Variants in TYSND1 observed in about 807,000 individuals in gnomAD.
TYSND1 encodes peroxisomal leader peptide-processing protease.
TYSND1 carries 30 observed loss-of-function variants against 37.2 expected under a neutral mutation model. That is an observed-to-expected ratio of 0.81 (90% CI 0.60 to 1.09). The LOEUF (loss-of-function observed/expected upper bound fraction) is 1.09, where lower values mean the gene tolerates loss of function less well. Among genes scored for constraint, TYSND1 ranks in the 50% least tolerant of loss-of-function variants. The pLI is 0.00. For missense variants in TYSND1, 806 were observed against 817.4 expected (o/e 0.99, Z 0.17); for synonymous variants, 364 against 383.8 (o/e 0.95, Z 0.60).
rs1215213892 is a variant in TYSND1, at chr10:70,145,516, GC to G, written c.1070del (p.Gly357AlafsTer11). On this transcript the variant is annotated frameshift_variant, in exon 1 of 4. Coordinates refer to ENST00000287078, the MANE Select transcript of TYSND1 (RefSeq NM_173555.4). LOFTEE classifies it high-confidence loss of function. The stretch of plus-strand genomic sequence containing the variant: ...GGCGGGGTGCCACAGCCACTCCGGA[GC>G]CCCATACGGTGCCGCACTCCACCAA... Reference protein sequence around the residue: ...AVLVECGTVWGSGVAVAPRLV... With the variant: ...AVLVECGTVWXSGVAVAPRLV... 2.4e-5 allele frequency: 36 copies of G among 1,529,062 alleles called. No individual in the cohort carries two copies. The highest frequency in any genetic ancestry group is 3.1e-5 in the Non-Finnish European group (36 of 1,144,866). 94.7% of individuals were successfully genotyped at this position (1,529,062 alleles called of 1,614,324 possible).
At chr10:70,143,249 T>A (rs370107987) in intron 2 of TYSND1, among the ~76,000 whole-genome samples, 4 of 152,228 alleles carry the variant, frequency 2.6e-5, no homozygotes, top group African/African-American at 9.7e-5. Context: ...ATGGCTATAA[T>A]GCAGCCATGA....
intron 3 of TYSND1, 32 bp downstream of exon 3, chr10:70,142,636 G>A (rs373383381): frequency 6.1e-5 from 92 of 1,519,848 alleles, no homozygotes; most frequent in Non-Finnish European, 7.9e-5. Flanking sequence ...CTGGCAAGTG[G>A]GAGGGCGGGA....
Position 70,145,778 on chromosome 10 carries a change from C to G in TYSND1, c.809G>C (p.Arg270Pro). ...CAGCGCCACCAGCGCCCCCGCGGGC[C>G]GCGCGGTGAACACGCCGCCGCCCTC... ...GTEGGGVFTA[R>P]PAGALVALVV... The change falls in exon 1 of 4, where the codon CGG becomes CCG. Residue 270 changes from arginine (R) to proline (P), a missense_variant. Around this residue, in one of 3 missense-constraint regions of TYSND1, gnomAD observed 708 missense variants for 705.4 expected, o/e 1.00. Coordinates refer to ENST00000287078, the MANE Select transcript of TYSND1 (RefSeq NM_173555.4). 1 of 1,461,248 alleles carries G rather than the reference C, an allele frequency of 6.8e-7. No individual in the cohort carries two copies. Among genetic ancestry groups the G allele is most frequent in the Non-Finnish European group, 9.0e-7 (1 of 1,115,600 alleles). 90.5% of individuals were successfully genotyped at this position (1,461,248 alleles called of 1,614,324 possible).
intron 3 of TYSND1, among the ~76,000 whole-genome samples, chr10:70,141,618 G>C (rs1444706876): frequency 1.3e-5 from 2 of 152,136 alleles, no homozygotes; most frequent in Non-Finnish European, 2.9e-5. Context: ...CAGTGTCTCA[G>C]CTATCTGATG....
Position 70,145,760 on chromosome 10 carries a change from A to G in TYSND1, c.827T>C (p.Val276Ala). The G allele has an allele frequency of 6.9e-7, 1 of 1,439,994 alleles. No individual in the cohort carries two copies. The allele number at this position is 1,439,994 out of a possible 1,614,324, so 89.2% of individuals were successfully genotyped here. The change falls in exon 1 of 4, where the codon GTG becomes GCG. Residue 276 changes from valine (V) to alanine (A), a missense_variant. Around this residue, in one of 3 missense-constraint regions of TYSND1, gnomAD observed 708 missense variants for 705.4 expected, o/e 1.00. Transcript: ENST00000287078. ...ACAGAGCGGCGCCACCACCAGCGCC[A>G]CCAGCGCCCCCGCGGGCCGCGCGGT... is the stretch of plus-strand genomic sequence containing the variant. ...VFTARPAGAL[V>A]ALVVAPLCWK... is the part of the protein sequence containing the mutation.
At chr10:70,144,393 C>T (rs1448341988) in intron 1 of TYSND1, 2 of 930,400 alleles carry the variant, frequency 2.1e-6, no homozygotes, top group Non-Finnish European at 2.6e-6. Context: ...ACAACACTTT[C>T]CTTCACTGCC....
In TYSND1 at chr10:70,146,121, C is replaced by G. The variant is rs1367422965; in HGVS notation, c.466G>C (p.Ala156Pro). ...HFARLFGDEA[A>P]EQWRFSSAAR... ...GCGCTCGAGAAGCGCCACTGTTCCG[C>G]TGCCTCGTCCCCGAAGAGGCGCGCG... The change falls in exon 1 of 4, where the codon GCG becomes CCG. Residue 156 changes from alanine (A) to proline (P), a missense_variant. Physicochemically the swap from Ala to Pro is conservative, Grantham distance 27. Transcript: ENST00000287078. 2 of 1,561,588 alleles carry G rather than the reference C, an allele frequency of 1.3e-6. No homozygotes were observed. Among genetic ancestry groups the G allele is most frequent in the Admixed American group, 1.9e-5 (1 of 52,618 alleles).
At chr10:70,144,938 G>A (rs527903841) in intron 1 of TYSND1, 66 of 234,630 alleles carry the variant, frequency 2.8e-4, no homozygotes, top group African/African-American at 1.4e-3. Flanking sequence ...TCACTCAGAC[G>A]GGAAGCTCTG....
chr10:70,145,224 T>C (rs1839156661), intron 1 of TYSND1, among the ~76,000 whole-genome samples, 197 bp downstream of exon 1: 1 of 152,120 alleles, frequency 6.6e-6, no homozygotes. Context: ...GCTTCGAGCT[T>C]GACACCTTGC....
In TYSND1 at chr10:70,146,256, C is replaced by A. The variant is rs1839222065; in HGVS notation, c.331G>T (p.Ala111Ser). 1 of 1,478,402 alleles carries A rather than the reference C, an allele frequency of 6.8e-7. No homozygotes were observed. The highest frequency in any genetic ancestry group is 8.9e-7 in the Non-Finnish European group (1 of 1,122,972). The allele number at this position is 1,478,402 out of a possible 1,614,324, so 91.6% of individuals were successfully genotyped here. A position where few individuals can be genotyped will look rare whatever the true frequency, so the allele number is the denominator to read the frequency against. The change falls in exon 1 of 4, where the codon GCG becomes TCG. Residue 111 changes from alanine (A) to serine (S), a missense_variant. By Grantham distance (99) the Ala-to-Ser change is moderately conservative. Coordinates refer to ENST00000287078, the MANE Select transcript of TYSND1 (RefSeq NM_173555.4). The part of the protein sequence containing the change: ...GRPGLCTPQC[A>S]SLEPGPPAPS... Reference sequence around the variant, plus strand: ...GCAGGTGGGCCGGGCTCGAGGCTCGCGCACTGGGGCGTGCACAGCCCTGGG... The same window carrying A: ...GCAGGTGGGCCGGGCTCGAGGCTCGAGCACTGGGGCGTGCACAGCCCTGGG...
rs149776228 is a variant in TYSND1, at chr10:70,139,728, C to T, written c.*196G>A. 1,032 of 569,134 alleles carry T rather than the reference C, an allele frequency of 1.8e-3. 8 individuals carry two copies. Among genetic ancestry groups the T allele is most frequent in the African/African-American group, 0.018 (946 of 52,854 alleles). 35.3% of individuals were successfully genotyped at this position (569,134 alleles called of 1,614,324 possible). The stretch of plus-strand genomic sequence containing the variant: ...AAGAAAGCACCCCAAAACGGGCTGC[C>T]AGGTTAAGGATCCATGGGGCTGAAG... On this transcript the variant is annotated 3_prime_UTR_variant, in exon 4 of 4. Coordinates refer to ENST00000287078, the MANE Select transcript of TYSND1 (RefSeq NM_173555.4).
rs147722950 is a variant in TYSND1 at position 70,142,718 on chromosome 10, C to G, written c.1433G>C (p.Ser478Thr). 180 of 1,612,254 alleles carry G rather than the reference C, an allele frequency of 1.1e-4. No homozygotes were observed. Among genetic ancestry groups the G allele is most frequent in the South Asian group, 7.4e-4 (67 of 90,816 alleles). The change falls in exon 3 of 4, where the codon AGC (serine) becomes ACC (threonine). Residue 478 changes from serine to threonine, a missense_variant. Ser to Thr is a moderately conservative substitution (Grantham distance 58). Around this residue, in one of 3 missense-constraint regions of TYSND1, gnomAD observed 708 missense variants for 705.4 expected, o/e 1.00. Transcript: ENST00000287078. ...GAAGAGGGGTCCCCCACTGGAGCCG[C>G]TGTGCACAGCACACGTGGTCTGCAG... The part of the protein sequence containing the change: ...VMLQTTCAVH[S>T]GSSGGPLFSN...
chr10:70,146,606 C>T lies in TYSND1; in HGVS notation c.-20G>A. On this transcript the variant is annotated 5_prime_UTR_variant, in exon 1 of 4. Coordinates refer to ENST00000287078, the MANE Select transcript of TYSND1 (RefSeq NM_173555.4). ...TCTCATGGCCTCTAGGCCGGACACT[C>T]GGGAGCTTCTCCGAGAAACAGCAAG... The T allele has an allele frequency of 1.3e-6, 2 of 1,489,550 alleles. No individual in the cohort carries two copies. The highest frequency in any genetic ancestry group is 2.9e-5 in the African/African-American group (2 of 69,236). 92.3% of individuals were successfully genotyped at this position (1,489,550 alleles called of 1,614,324 possible). A position where few individuals can be genotyped will look rare whatever the true frequency, so the allele number is the denominator to read the frequency against.
chr10:70,141,788 C>G (rs1218494485), intron 3 of TYSND1, among the ~76,000 whole-genome samples: 1 of 152,046 alleles, frequency 6.6e-6, no homozygotes, highest in African/African-American at 2.4e-5. Flanking sequence ...GTTGCCCAGG[C>G]TGGTCTCGAA....
chr10:70,143,839 T>C lies in TYSND1; in HGVS notation c.1297+3A>G. 1 of 1,614,128 alleles carries C rather than the reference T, an allele frequency of 6.2e-7. No homozygotes were observed. Among genetic ancestry groups the C allele is most frequent in the South Asian group, 1.1e-5 (1 of 91,068 alleles). Reference sequence around the variant, plus strand: ...CCTTCAGGCTGCGCCCTTCGTCCTTTACCTTCATGGAAGTGCTCAGCGGGC... The same window carrying C: ...CCTTCAGGCTGCGCCCTTCGTCCTTCACCTTCATGGAAGTGCTCAGCGGGC... On this transcript the variant is annotated splice_donor_region_variant and intron_variant, in intron 2 of 3. Coordinates refer to ENST00000287078, the MANE Select transcript of TYSND1 (RefSeq NM_173555.4).
chr10:70,145,807 G>C lies in TYSND1; in HGVS notation c.780C>G (p.Gly260=). 6.6e-7 allele frequency: 1 copy of C among 1,518,242 alleles called. No individual in the cohort carries two copies. Among genetic ancestry groups the C allele is most frequent in the Non-Finnish European group, 8.8e-7 (1 of 1,135,276 alleles). 94.0% of individuals were successfully genotyped at this position (1,518,242 alleles called of 1,614,324 possible). ...CGGTGAACACGCCGCCGCCCTCGGT[G>C]CCGGGCAGGCAGCGTGCGTCGGTAA... ...LLLTDARCLP[G]TEGGGVFTAR... is the part of the protein sequence containing the mutation. Residue 260 remains glycine, a synonymous_variant, in exon 1 of 4, where the codon GGC becomes GGG. Coordinates refer to ENST00000287078, the MANE Select transcript of TYSND1 (RefSeq NM_173555.4).
In TYSND1 at chr10:70,139,684, G is replaced by T; in HGVS notation, c.*240C>A. 1 of 517,742 alleles carries T rather than the reference G, an allele frequency of 1.9e-6. No homozygotes were observed. The highest frequency in any genetic ancestry group is 1.9e-5 in the African/African-American group (1 of 51,816). 32.1% of individuals were successfully genotyped at this position (517,742 alleles called of 1,614,324 possible). ...AATACAGCTGAGTCTAGTGCTAGGG[G>T]ACAGAGAACTGGGGGCTCAAGAAAG... On this transcript the variant is annotated 3_prime_UTR_variant, in exon 4 of 4. Coordinates refer to ENST00000287078, the MANE Select transcript of TYSND1 (RefSeq NM_173555.4).
chr10:70,145,567 C>A lies in TYSND1; in HGVS notation c.1020G>T (p.Gly340=). 2.0e-6 allele frequency: 3 copies of A among 1,484,696 alleles called. No homozygotes were observed. The highest frequency in any genetic ancestry group is 2.7e-6 in the Non-Finnish European group (3 of 1,122,494). 92.0% of individuals were successfully genotyped at this position (1,484,696 alleles called of 1,614,324 possible). The stretch of plus-strand genomic sequence containing the variant: ...ACACTGCCGCGGCTGCCCACAGGGG[C>A]CCGGAGTCTCGGAGGGGCAGACCCC... ...VPWGLPLRDS[G]PLWAAAAVLV... The change falls in exon 1 of 4, where the codon GGG becomes GGT. Residue 340 remains glycine (G), a synonymous_variant. Coordinates refer to ENST00000287078, the MANE Select transcript of TYSND1 (RefSeq NM_173555.4).
chr10:70,145,169 C>T (rs1005576352), intron 1 of TYSND1, among the ~76,000 whole-genome samples: 1 of 152,096 alleles, frequency 6.6e-6, no homozygotes. Context: ...TCAAAGATGC[C>T]CTGTTCCGGA....
Sources: allele counts gnomAD v4.1 joint callset (sites outside exome capture counted in the v4.1 genomes callset), GRCh38; gene constraint gnomAD v4.1.1; regional missense constraint gnomAD v4.1.1; transcripts MANE v1.5; gene names NCBI Gene and HGNC (gene_info 2026-07-23, HGNC 2026-07-21).